WAPL: variants seen among roughly 807,000 people sequenced by gnomAD.
WAPL encodes wings apart-like protein homolog.
In WAPL, 5 loss-of-function variants were observed where a neutral mutation model predicts 121.0. The ratio of observed to expected loss-of-function variants is 0.04; its 90% CI spans 0.02 to 0.09. WAPL has a LOEUF of 0.09. WAPL is among the 10% of genes least tolerant of loss of function. The probability of loss-of-function intolerance (pLI) is 1.00; values close to 1 mark genes in which losing one functional copy is unlikely to be tolerated. For missense variants in WAPL, 999 were observed against 1,410.8 expected, an observed-to-expected ratio of 0.71 and a Z score of 4.68; for synonymous variants, 480 against 481.5, an observed-to-expected ratio of 1.00 and a Z score of 0.04.
chr10:86,477,062 A>C (rs949861857), intron 4 of WAPL, among the ~76,000 whole-genome samples: 5 of 152,218 alleles, frequency 3.3e-5, no homozygotes, highest in Non-Finnish European at 7.3e-5. Flanking sequence ...CTTTTTCTTG[A>C]CTTTTATTTC....
At chr10:86,459,915 A>T (rs1003831324) in intron 11 of WAPL, among the ~76,000 whole-genome samples, 2 of 152,222 alleles carry the variant, frequency 1.3e-5, no homozygotes, top group African/African-American at 4.8e-5. Context: ...GGAGTTTGAG[A>T]CCAGCCTGGC....
intron 1 of WAPL, among the ~76,000 whole-genome samples, chr10:86,519,945 G>C (rs1292275813): frequency 6.6e-6 from 1 of 152,190 alleles, no homozygotes; most frequent in Admixed American, 6.5e-5. Context: ...TTGAAAGTTT[G>C]AAGTCTTCAG....
In WAPL at chr10:86,472,430, A is replaced by G; in HGVS notation, c.1894-86T>C. Reference sequence around the variant, plus strand: ...GGCTCACTGTACTTTACATAAGTGCATAAAATAGTTCATTAGATGGCAACA... The same window carrying G: ...GGCTCACTGTACTTTACATAAGTGCGTAAAATAGTTCATTAGATGGCAACA... On this transcript the variant is annotated intron_variant, in intron 6 of 18. Transcript: ENST00000298767. This position sits in a 1 kb window ranked among gnomAD's most constrained non-coding sequence, Gnocchi z 4.2. 1 of 1,532,884 alleles carries G rather than the reference A, an allele frequency of 6.5e-7. No homozygotes were observed. Among genetic ancestry groups the G allele is most frequent in the Non-Finnish European group, 8.8e-7 (1 of 1,141,814 alleles). 95.0% of individuals were successfully genotyped at this position (1,532,884 alleles called of 1,614,324 possible). A position where few individuals can be genotyped will look rare whatever the true frequency, so the allele number is the denominator to read the frequency against.
At chr10:86,493,280 T>A (rs1026673687) in intron 4 of WAPL, among the ~76,000 whole-genome samples, 1 of 152,126 alleles carries the variant, frequency 6.6e-6, no homozygotes, top group Non-Finnish European at 1.5e-5. Flanking sequence ...GAGACCTTTT[T>A]CTTAAGAAAT....
At chr10:86,520,390 T>C (rs1468965064) in intron 1 of WAPL, among the ~76,000 whole-genome samples, 1 of 152,204 alleles carries the variant, frequency 6.6e-6, no homozygotes, top group African/African-American at 2.4e-5. Flanking sequence ...ACGTCAGCGA[T>C]TTTCCAACAT....
At position 86,452,011 on chromosome 10, in the gene WAPL, A is replaced by T. The variant is rs776455279; in HGVS notation, c.3070T>A (p.Leu1024Ile). The T allele has an allele frequency of 2.5e-6, 4 of 1,614,204 alleles. No individual in the cohort carries two copies. The South Asian group carries it at 4.4e-5, about 18-fold the overall frequency. The change falls in exon 15 of 19, where the codon TTA (leucine) becomes ATA (isoleucine). Residue 1024 changes from leucine (L) to isoleucine (I), a missense_variant. Around this residue, in one of 7 missense-constraint regions of WAPL, gnomAD observed 126 missense variants for 144.0 expected, o/e 0.87. Transcript: ENST00000298767. ...SICSGEGDDS[L>I]RIGGQVHAVQ... ...GCATGAACTTGTCCACCTATCCTTA[A>T]ACTATCATCCCCTTCTCCACTACAG...
intron 4 of WAPL, among the ~76,000 whole-genome samples, chr10:86,492,672 G>A (rs1482708277): frequency 6.6e-6 from 1 of 152,134 alleles, no homozygotes; most frequent in African/African-American, 2.4e-5. Context: ...AATGCAGTGA[G>A]GCAACAAATT....
intron 2 of WAPL, among the ~76,000 whole-genome samples, chr10:86,507,855 G>C (rs1239580636): frequency 6.6e-6 from 1 of 151,660 alleles, no homozygotes; most frequent in Non-Finnish European, 1.5e-5. Context: ...AGCCCTGTCC[G>C]GGCACTCAGC....
chr10:86,453,472 G>A lies in WAPL; in HGVS notation c.2834-137C>T. The A allele has an allele frequency of 2.5e-6, 3 of 1,189,380 alleles. No individual in the cohort carries two copies. In the East Asian group the frequency reaches 7.6e-5, roughly 30 times the overall value. The allele number at this position is 1,189,380 out of a possible 1,614,324, so 73.7% of individuals were successfully genotyped here. Reference sequence around the variant, plus strand: ...TTGAAACATACTATTGATACTTCTGGGTCAAGCTACTAGGCTTCTAAAAAT... The same window carrying A: ...TTGAAACATACTATTGATACTTCTGAGTCAAGCTACTAGGCTTCTAAAAAT... On this transcript the variant is annotated intron_variant, in intron 13 of 18. Transcript: ENST00000298767.
chr10:86,438,191 A>G (rs551907223), intron 17 of WAPL, among the ~76,000 whole-genome samples, 176 bp from the exon 18 acceptor site: 141 of 152,252 alleles, frequency 9.3e-4, no homozygotes, highest in Non-Finnish European at 1.6e-4. Flanking sequence ...CCTCACCCTC[A>G]GAAAGAAAGG....
At position 86,473,893 on chromosome 10, in the gene WAPL, T is replaced by C. The variant is rs780443220; in HGVS notation, c.1725A>G (p.Lys575=). 3.1e-6 allele frequency: 5 copies of C among 1,613,546 alleles called. No homozygotes were observed. The highest frequency in any genetic ancestry group is 3.4e-6 in the Non-Finnish European group (4 of 1,179,602). The change falls in exon 5 of 19, where the codon AAA becomes AAG. Residue 575 remains lysine (K), a synonymous_variant. Coordinates refer to ENST00000298767, the MANE Select transcript of WAPL (RefSeq NM_015045.5). ...GTTCACTTACTGTGACACTCTGAGG[T>C]TTTACTACTGGTGGCCCAGGCAGTT... The part of the protein sequence containing the change: ...SEELPGPPVV[K]PQSVTVRLSS...
intron 2 of WAPL, among the ~76,000 whole-genome samples, chr10:86,515,329 G>C (rs938958715): frequency 6.6e-6 from 1 of 151,608 alleles, no homozygotes; most frequent in Non-Finnish European, 1.5e-5. Flanking sequence ...AGCATTCGCA[G>C]AGCCTTGTAC....
chr10:86,465,196 G>T (rs1841369809), intron 9 of WAPL, among the ~76,000 whole-genome samples: 1 of 152,118 alleles, frequency 6.6e-6, no homozygotes, highest in Non-Finnish European at 1.5e-5. Flanking sequence ...TCTTTTGTTT[G>T]TTTGGTTTTT....
chr10:86,487,171 G>A (rs898193295), intron 4 of WAPL, among the ~76,000 whole-genome samples: 1 of 151,820 alleles, frequency 6.6e-6, no homozygotes, highest in African/African-American at 2.4e-5. Context: ...GGGATGACAG[G>A]CAGCAGCTGA....
In WAPL at chr10:86,443,322, C is replaced by T; in HGVS notation, c.3364G>A (p.Ala1122Thr). 2 of 1,613,942 alleles carry T rather than the reference C, an allele frequency of 1.2e-6. No homozygotes were observed. The highest frequency in any genetic ancestry group is 1.1e-5 in the South Asian group (1 of 91,052). Residue 1122 changes from alanine to threonine, a missense_variant, in exon 17 of 19, where the codon GCC becomes ACC. This residue lies in a region of WAPL where 126 missense variants were observed against 144.0 expected (regional missense o/e 0.87). Transcript: ENST00000298767. ...CCAAGAAGTAGTGCTGTGTAGGAGG[C>T]CACAATGCAATCCTCCATGTGTTTG... The part of the protein sequence containing the change: ...AGKHMEDCIV[A>T]SYTALLLGCL...
chr10:86,452,567 G>A (rs1264862889), intron 14 of WAPL, among the ~76,000 whole-genome samples: 1 of 151,676 alleles, frequency 6.6e-6, no homozygotes, highest in African/African-American at 2.4e-5. Flanking sequence ...ACTCCAGCCT[G>A]GGCAAGAGAG....
At position 86,446,260 on chromosome 10, in the gene WAPL, C is replaced by T; in HGVS notation, c.3304G>A (p.Glu1102Lys). 2 of 1,610,830 alleles carry T rather than the reference C, an allele frequency of 1.2e-6. No individual in the cohort carries two copies. Among genetic ancestry groups the T allele is most frequent in the Non-Finnish European group, 1.7e-6 (2 of 1,177,118 alleles). The change falls in exon 16 of 19, where the codon GAA becomes AAA. Residue 1102 changes from glutamate to lysine, a missense_variant. Glu to Lys is a moderately conservative substitution (Grantham distance 56). Around this residue, in one of 7 missense-constraint regions of WAPL, gnomAD observed 126 missense variants for 144.0 expected, o/e 0.87. Transcript: ENST00000298767. Reference sequence around the variant, plus strand: ...AATATACCTTTATTGAGGTCAAGTTCTTCATCCTCCTCCTCCTTCTTATGT... The same window carrying T: ...AATATACCTTTATTGAGGTCAAGTTTTTCATCCTCCTCCTCCTTCTTATGT... ...EKHKKEEEDE[E>K]LDLNKALQHA...
intron 2 of WAPL, among the ~76,000 whole-genome samples, chr10:86,516,404 T>TG (rs1203934976): frequency 6.6e-6 from 1 of 152,236 alleles, no homozygotes; most frequent in Admixed American, 6.5e-5. Context: ...TCACATACCT[T>TG]AACCTTCAAA....
chr10:86,458,148 G>C (rs1237976056), intron 12 of WAPL, among the ~76,000 whole-genome samples: 3 of 152,234 alleles, frequency 2.0e-5, no homozygotes, highest in African/African-American at 7.2e-5. Context: ...TAAGGAATCA[G>C]AGATTTGAGA....
Sources: allele counts gnomAD v4.1 joint callset (sites outside exome capture counted in the v4.1 genomes callset), GRCh38; gene constraint gnomAD v4.1.1; regional missense constraint gnomAD v4.1.1; non-coding constraint Gnocchi (gnomAD v3.1); transcripts MANE v1.5; gene names NCBI Gene and HGNC (gene_info 2026-07-23, HGNC 2026-07-21).